The following NKX2-2 variants were observed in gnomAD, a reference collection of about 807,000 sequenced individuals.
NKX2-2 encodes homeobox protein Nkx-2.2.
A neutral mutation model predicts 24.6 loss-of-function variants in NKX2-2; 8 were observed. The observed-to-expected ratio is 0.32, with a 90% CI of 0.19 to 0.59. The LOEUF is 0.59. Ranked by LOEUF, NKX2-2 falls within the 20% of genes least tolerant of loss-of-function variation. NKX2-2 has a pLI of 0.86. For synonymous variants in NKX2-2, 217 were observed against 173.3 expected (o/e 1.25, Z -1.98); for missense variants, 381 against 373.9 (o/e 1.02, Z -0.16).
the NKX2-2 span, among the ~76,000 whole-genome samples, chr20:21,521,241 C>A: frequency 6.6e-6 from 1 of 152,070 alleles, no homozygotes; most frequent in Non-Finnish European, 1.5e-5. Flanking sequence ...CCCCCAAGAG[C>A]CACTAAAGTC....
chr20:21,512,454 C>T lies in NKX2-2; in HGVS notation c.291G>A (p.Gln97=). 1 of 1,582,280 alleles carries T rather than the reference C, an allele frequency of 6.3e-7. No homozygotes were observed. Among genetic ancestry groups the T allele is most frequent in the Non-Finnish European group, 8.5e-7 (1 of 1,172,016 alleles). Residue 97 remains glutamine (Q), a synonymous_variant, in exon 2 of 2, where the codon CAG becomes CAA. Coordinates refer to ENST00000377142, the MANE Select transcript of NKX2-2 (RefSeq NM_002509.4). ...LHGLAAGAPP[Q]DSSSKSPEPS... ...GCTCCGGGGACTTGGAGCTTGAGTC[C>T]TGAGGGGGCGCCCCGGCAGCCAGAC...
upstream of NKX2-2, among the ~76,000 whole-genome samples, chr20:21,518,221 C>G (rs1291977923): frequency 6.6e-6 from 1 of 152,078 alleles, no homozygotes; most frequent in Admixed American, 6.5e-5. Context: ...TTGGTGTCTC[C>G]TTAGCGTCCC....
At chr20:21,521,163 GTCTC>G in the NKX2-2 span, among the ~76,000 whole-genome samples, 18 of 151,926 alleles carry the variant, frequency 1.2e-4, no homozygotes, top group Admixed American at 4.6e-4. Flanking sequence ...CTAGGGCTCT[GTCTC>G]TCTCTCTCCA....
rs1980413551 is a variant in NKX2-2, at chr20:21,511,240, G to T, written c.*683C>A. On this transcript the variant is annotated 3_prime_UTR_variant, in exon 2 of 2. Transcript: ENST00000377142. ...AATAAAAAGAGAAAGGAAGAAAGCA[G>T]GGGAAAACGCAAAAACAAAAACAAA... is the stretch of plus-strand genomic sequence containing the variant. The T allele has an allele frequency of 1.4e-5, 1 of 69,864 alleles. No homozygotes were observed. The allele number at this position is 69,864 out of a possible 1,614,324, so 4.3% of individuals were successfully genotyped here. A position where few individuals can be genotyped will look rare whatever the true frequency, so the allele number is the denominator to read the frequency against.
At chr20:21,521,090 A>G in the NKX2-2 span, among the ~76,000 whole-genome samples, 1 of 151,998 alleles carries the variant, frequency 6.6e-6, no homozygotes, top group African/African-American at 2.4e-5. Context: ...GCTGGAGCTA[A>G]GGGCTGGTTC....
Position 21,513,696 on chromosome 20 carries a change from C to G in NKX2-2, c.-27G>C. 1 of 1,274,728 alleles carries G rather than the reference C, an allele frequency of 7.8e-7. No individual in the cohort carries two copies. The highest frequency in any genetic ancestry group is 1.0e-6 in the Non-Finnish European group (1 of 988,740). 79.0% of individuals were successfully genotyped at this position (1,274,728 alleles called of 1,614,324 possible). ...GTTCGAGACCCCAAAATTTATGTCGCAAAGTTGTAGCTTCACTTGGTCAAT... is the reference window on the plus strand; with the variant it reads ...GTTCGAGACCCCAAAATTTATGTCGGAAAGTTGTAGCTTCACTTGGTCAAT... On this transcript the variant is annotated 5_prime_UTR_variant, in exon 1 of 2. Transcript: ENST00000377142. This position sits in a 1 kb window ranked among gnomAD's most constrained non-coding sequence, Gnocchi z 4.6.
chr20:21,521,442 C>T, the NKX2-2 span, among the ~76,000 whole-genome samples: 113 of 152,206 alleles, frequency 7.4e-4, no homozygotes, highest in African/African-American at 2.6e-3. Context: ...GCGACACTCG[C>T]CTCCCAAACT....
chr20:21,522,235 C>CT, the NKX2-2 span, among the ~76,000 whole-genome samples: 1 of 152,216 alleles, frequency 6.6e-6, no homozygotes, highest in Non-Finnish European at 1.5e-5. Flanking sequence ...GACTACGCGG[C>CT]TTGGGGATCG....
At chr20:21,512,760 G>T (rs1185340773) in intron 1 of NKX2-2, among the ~76,000 whole-genome samples, 3 of 152,168 alleles carry the variant, frequency 2.0e-5, no homozygotes, top group African/African-American at 7.2e-5. Context: ...GGGGGAAGTG[G>T]CACTGAAGAT....
At chr20:21,521,524 C>A in the NKX2-2 span, among the ~76,000 whole-genome samples, 1 of 152,220 alleles carries the variant, frequency 6.6e-6, no homozygotes, top group Non-Finnish European at 1.5e-5. Flanking sequence ...CTCCTGTCTG[C>A]GACTCCCACC....
the NKX2-2 span, among the ~76,000 whole-genome samples, chr20:21,522,135 T>C: frequency 6.6e-6 from 1 of 152,222 alleles, no homozygotes. Context: ...AGAGGGGCCC[T>C]GCCCGTCCTC....
chr20:21,512,053 C>G lies in NKX2-2; in HGVS notation c.692G>C (p.Gly231Ala). The G allele has an allele frequency of 1.2e-6, 2 of 1,613,790 alleles. No homozygotes were observed. Among genetic ancestry groups the G allele is most frequent in the East Asian group, 2.2e-5 (1 of 44,864 alleles). ...QDLAAATFQA[G>A]IPFSAYSAQS... is the part of the protein sequence containing the mutation. ...CGCGCTGTAGGCAGAAAAGGGAATG[C>G]CCGCCTGGAAGGTGGCGGCTGCCAG... Residue 231 changes from glycine (G) to alanine (A), a missense_variant, in exon 2 of 2, where the codon GGC becomes GCC. Physicochemically the swap from Gly to Ala is moderately conservative, Grantham distance 60. This residue lies in a region of NKX2-2 where 139 missense variants were observed against 121.7 expected (regional missense o/e 1.14). Coordinates refer to ENST00000377142, the MANE Select transcript of NKX2-2 (RefSeq NM_002509.4).
At chr20:21,518,966 G>A (rs866624924), upstream of NKX2-2, among the ~76,000 whole-genome samples, 59 of 152,214 alleles carry the variant, frequency 3.9e-4, no homozygotes, top group African/African-American at 1.4e-3. Context: ...AGCTTGCAGT[G>A]CAGGTACCTG....
the NKX2-2 span, among the ~76,000 whole-genome samples, chr20:21,521,918 CCG>C: frequency 6.6e-6 from 1 of 152,218 alleles, no homozygotes; most frequent in African/African-American, 2.4e-5. Flanking sequence ...CCTTCCCCCA[CCG>C]CGCGCCCTAC....
chr20:21,512,755 A>G (rs1324472106), intron 1 of NKX2-2, among the ~76,000 whole-genome samples: 1 of 150,734 alleles, frequency 6.6e-6, no homozygotes, highest in African/African-American at 2.4e-5. Flanking sequence ...TTGGGGGGGG[A>G]AGTGGCACTG....
chr20:21,521,935 C>A, the NKX2-2 span, among the ~76,000 whole-genome samples: 1 of 152,188 alleles, frequency 6.6e-6, no homozygotes, highest in African/African-American at 2.4e-5. Context: ...CCCTACCAGG[C>A]GGGGCTCAGG....
At chr20:21,521,029 C>T in the NKX2-2 span, among the ~76,000 whole-genome samples, 1 of 152,072 alleles carries the variant, frequency 6.6e-6, no homozygotes, top group African/African-American at 2.4e-5. Flanking sequence ...CTGGGTCGGG[C>T]AGGCTGATGT....
upstream of NKX2-2, among the ~76,000 whole-genome samples, chr20:21,517,231 G>A (rs1980663015): frequency 6.6e-6 from 1 of 152,226 alleles, no homozygotes; most frequent in Admixed American, 6.5e-5. Context: ...AGCACCTGAG[G>A]CGCCCACTTC....
At chr20:21,521,493 G>C in the NKX2-2 span, among the ~76,000 whole-genome samples, 1 of 152,110 alleles carries the variant, frequency 6.6e-6, no homozygotes, top group Non-Finnish European at 1.5e-5. Flanking sequence ...AGTCCACTGC[G>C]CGGGCCCTCA....
Sources: gnomAD v4.1 joint callset for allele counts (sites outside exome capture counted in the v4.1 genomes callset) on GRCh38, gnomAD v4.1.1 for gene constraint, gnomAD v4.1.1 regional missense constraint, Gnocchi (gnomAD v3.1) non-coding constraint, MANE v1.5 for transcripts, NCBI Gene and HGNC (gene_info 2026-07-23, HGNC 2026-07-21) for gene names.